RBPJ: variants seen among roughly 807,000 people sequenced by gnomAD.
The protein encoded by RBPJ is recombination signal binding protein for immunoglobulin kappa J region, also known as recombining binding protein suppressor of hairless.
A neutral mutation model predicts 67.8 loss-of-function variants in RBPJ; 9 were observed. The ratio of observed to expected loss-of-function variants is 0.13; its 90% CI spans 0.08 to 0.23. RBPJ has a LOEUF of 0.23. RBPJ is among the 10% of genes least tolerant of loss of function. The pLI is 1.00. For synonymous variants in RBPJ, 198 were observed against 203.3 expected (o/e 0.97, Z 0.22); for missense variants, 305 against 595.6 (o/e 0.51, Z 5.08).
At chr4:26,284,487 G>C (rs971767105) in intron 1 of RBPJ, among the ~76,000 whole-genome samples, 1 of 151,992 alleles carries the variant, frequency 6.6e-6, no homozygotes, top group Non-Finnish European at 1.5e-5. Flanking sequence ...TTTATTTTTT[G>C]AGACTGAGTC....
chr4:26,265,191 A>G (rs1035319776), intron 1 of RBPJ, among the ~76,000 whole-genome samples: 3 of 152,220 alleles, frequency 2.0e-5, no homozygotes, highest in African/African-American at 4.8e-5. Flanking sequence ...TTGTCTTACC[A>G]TGCATATAAA....
intron 1 of RBPJ, among the ~76,000 whole-genome samples, chr4:26,347,711 G>A (rs186350805): frequency 3.3e-5 from 5 of 152,094 alleles, no homozygotes; most frequent in Admixed American, 6.5e-5. Flanking sequence ...GAATAGGCTC[G>A]ATAGGTTTAG....
chr4:26,354,404 T>A (rs1727135667), intron 1 of RBPJ, among the ~76,000 whole-genome samples: 1 of 152,064 alleles, frequency 6.6e-6, no homozygotes, highest in South Asian at 2.1e-4. Flanking sequence ...ATAAAAAATG[T>A]AGTAAATTAG....
chr4:26,318,551 A>G (rs1722741435), upstream of RBPJ, among the ~76,000 whole-genome samples: 1 of 152,236 alleles, frequency 6.6e-6, no homozygotes, highest in Non-Finnish European at 1.5e-5. Context: ...TCAAAAGGCT[A>G]AGAAGAGACT....
intron 1 of RBPJ, among the ~76,000 whole-genome samples, chr4:26,223,946 C>T (rs910633176): frequency 2.6e-5 from 4 of 152,170 alleles, no homozygotes; most frequent in Admixed American, 2.0e-4. Context: ...CTTGATTTCT[C>T]TGTGCTTAAT....
At position 26,215,368 on chromosome 4, in the gene RBPJ, A is replaced by AAGAAGGGAGGGAGGGAGAG. The variant is rs1233197225; in HGVS notation, c.-167+51756_-167+51757insAAGGGAGGGAGGGAGAGAG. ...GAAAGAAAAAAAGAAGGAAGGAAGGAAGGAAGAAGGGAGGGAGGGAGAGAG... is the reference window on the plus strand; with the variant it reads ...GAAAGAAAAAAAGAAGGAAGGAAGGAAGAAGGGAGGGAGGGAGAGAGGAAGAAGGGAGGGAGGGAGAGAG... On this transcript the variant is annotated intron_variant, in intron 1 of 4. Coordinates refer to the RBPJ transcript ENST00000512351. 2.7e-3 allele frequency among the ~76,000 whole-genome samples: 233 copies of AAGAAGGGAGGGAGGGAGAG among 85,816 alleles called. 1 individual carries two copies. Among genetic ancestry groups the AAGAAGGGAGGGAGGGAGAG allele is most frequent in the Non-Finnish European group, 3.3e-3 (161 of 48,844 alleles). The allele number at this position is 85,816 out of a possible 152,430, so 56.3% of individuals were successfully genotyped here. A position where few individuals can be genotyped will look rare whatever the true frequency, so the allele number is the denominator to read the frequency against.
chr4:26,109,525 T>C, the RBPJ span, among the ~76,000 whole-genome samples: 12 of 95,110 alleles, frequency 1.3e-4, no homozygotes, highest in South Asian at 3.8e-4. Context: ...CACACACACA[T>C]ATATATATAT....
upstream of RBPJ, among the ~76,000 whole-genome samples, chr4:26,162,129 T>C (rs7697053): frequency 0.5 from 76,539 of 151,984 alleles, 19,430 homozygotes; most frequent in Non-Finnish European, 0.54. Context: ...CTGTGATGCA[T>C]GCCCTGATTC....
At chr4:26,112,220 A>G in the RBPJ span, 1 of 152,620 alleles carries the variant, frequency 6.6e-6, no homozygotes, top group East Asian at 1.9e-4. Context: ...ATAGAGTAAG[A>G]AAAACTTCCA....
intron 1 of RBPJ, among the ~76,000 whole-genome samples, chr4:26,250,592 C>G (rs1030146196): frequency 6.6e-6 from 1 of 152,116 alleles, no homozygotes; most frequent in Non-Finnish European, 1.5e-5. Flanking sequence ...CTTGGCTTCC[C>G]AAAGTGCTGG....
chr4:26,136,334 C>G, the RBPJ span, among the ~76,000 whole-genome samples: 1 of 152,246 alleles, frequency 6.6e-6, no homozygotes, highest in Non-Finnish European at 1.5e-5. Flanking sequence ...CATCTATCCC[C>G]AGCTCCATGG....
chr4:26,315,167 A>AAAATATATAT (rs1325689348), upstream of RBPJ, among the ~76,000 whole-genome samples: 12 of 74,758 alleles, frequency 1.6e-4, no homozygotes, highest in African/African-American at 6.7e-4. Flanking sequence ...AAAAAAAAAA[A>AAAATATATAT]ATATATATAT....
chr4:26,322,347 G>A (rs1263256148), intron 1 of RBPJ: 1 of 152,110 alleles, frequency 6.6e-6, no homozygotes, highest in Non-Finnish European at 1.5e-5. Context: ...TGAGTGTTGG[G>A]GCGGAGAATT....
the RBPJ span, among the ~76,000 whole-genome samples, chr4:26,120,390 T>C: frequency 6.6e-6 from 1 of 152,242 alleles, no homozygotes; most frequent in African/African-American, 2.4e-5. Context: ...GTCTTTGTTC[T>C]GAACAGTCTA....
intron 1 of RBPJ, among the ~76,000 whole-genome samples, chr4:26,232,053 G>A (rs1440501486): frequency 4.0e-5 from 6 of 150,646 alleles, no homozygotes; most frequent in Admixed American, 2.0e-4. Flanking sequence ...CACCATGCTC[G>A]GCCAATTTTT....
At chr4:26,207,984 C>T (rs886851041) in intron 1 of RBPJ, among the ~76,000 whole-genome samples, 8 of 152,202 alleles carry the variant, frequency 5.3e-5, no homozygotes, top group Non-Finnish European at 1.0e-4. Flanking sequence ...TCCTATGGTC[C>T]TCACAATTGC....
At chr4:26,356,656 TTG>T (rs1727411379) in intron 1 of RBPJ, among the ~76,000 whole-genome samples, 1 of 152,216 alleles carries the variant, frequency 6.6e-6, no homozygotes, top group South Asian at 2.1e-4. Context: ...CCTCATAATT[TTG>T]TGTAGTATTC....
At chr4:26,318,996 CAAAAAAAAA>C (rs201084739), upstream of RBPJ, among the ~76,000 whole-genome samples, 1 of 83,866 alleles carries the variant, frequency 1.2e-5, no homozygotes, top group African/African-American at 3.4e-5. Context: ...GACTCCGTCT[CAAAAAAAAA>C]AAAAAAAAAA....
In RBPJ at chr4:26,234,515, C is replaced by G. The variant is rs78743646; in HGVS notation, c.-167+70901C>G. 3.0e-3 allele frequency among the ~76,000 whole-genome samples: 453 copies of G among 152,264 alleles called. 5 individuals are homozygous for G. Among genetic ancestry groups the G allele is most frequent in the African/African-American group, 0.01 (431 of 41,548 alleles). On this transcript the variant is annotated intron_variant, in intron 1 of 4. Coordinates refer to the RBPJ transcript ENST00000512351. ...CACAGGCTCATTTTCTTACCTTGTT[C>G]AAGTCTTTGCTCAAATGTTACCTTT...
Sources: allele counts gnomAD v4.1 joint callset (sites outside exome capture counted in the v4.1 genomes callset), GRCh38; gene constraint gnomAD v4.1.1; transcripts MANE v1.5; gene names NCBI Gene and HGNC (gene_info 2026-07-23, HGNC 2026-07-21).